Variants in PIGK observed in about 807,000 individuals in gnomAD.
The protein encoded by PIGK is phosphatidylinositol glycan anchor biosynthesis class K.
A neutral mutation model predicts 50.6 loss-of-function variants in PIGK; 42 were observed. The ratio of observed to expected loss-of-function variants is 0.83; its 90% confidence interval spans 0.65 to 1.07. PIGK has a LOEUF of 1.07. Ranked by LOEUF, PIGK falls within the 50% of genes least tolerant of loss-of-function variation. PIGK has a pLI of 0.00. For missense variants in PIGK, 448 were observed against 488.7 expected (o/e 0.92, Z 0.78); for synonymous variants, 151 against 156.0 (o/e 0.97, Z 0.24).
intron 10 of PIGK, among the ~76,000 whole-genome samples, chr1:77,121,009 C>T (rs543490773): frequency 1.3e-5 from 2 of 152,316 alleles, no homozygotes; most frequent in East Asian, 3.9e-4. Context: ...ATATTACTGA[C>T]ATTTCATCTG....
rs1045768242 is a variant in PIGK at position 77,181,302 on chromosome 1, G to A, written c.240-11907C>T. On this transcript the variant is annotated intron_variant, in intron 3 of 10. Coordinates refer to ENST00000370812, the MANE Select transcript of PIGK (RefSeq NM_005482.3). ...CCCAATCAGGAACTAGTGACCGGTAGGTAAAAAAAATATACATATTTCAAA... is the reference window on the plus strand; with the variant it reads ...CCCAATCAGGAACTAGTGACCGGTAAGTAAAAAAAATATACATATTTCAAA... 6.6e-5 allele frequency among the ~76,000 whole-genome samples: 10 copies of A among 151,774 alleles called. No individual in the cohort carries two copies. The East Asian group carries it at 1.6e-3, about 24-fold the overall frequency.
At chr1:77,205,229 G>C (rs986234553) in intron 3 of PIGK, among the ~76,000 whole-genome samples, 1 of 151,884 alleles carries the variant, frequency 6.6e-6, no homozygotes, top group African/African-American at 2.4e-5. Context: ...AGTATATCCA[G>C]TATAGACGCA....
intron 9 of PIGK, among the ~76,000 whole-genome samples, chr1:77,146,007 AT>A (rs1654758804): frequency 6.6e-6 from 1 of 152,174 alleles, no homozygotes. Flanking sequence ...AATACTGTAA[AT>A]TGAAAATGAA....
chr1:77,119,619 A>C (rs2100526627), intron 10 of PIGK, among the ~76,000 whole-genome samples: 1 of 152,356 alleles, frequency 6.6e-6, no homozygotes, highest in Middle Eastern at 3.4e-3. Context: ...AGTAGTGAGA[A>C]TCCTATCTCC....
intron 3 of PIGK, among the ~76,000 whole-genome samples, chr1:77,176,604 C>A (rs1489972112): frequency 6.6e-6 from 1 of 152,100 alleles, no homozygotes; most frequent in Non-Finnish European, 1.5e-5. Flanking sequence ...GACAAGCACA[C>A]AAAATCCTAG....
intron 2 of PIGK, among the ~76,000 whole-genome samples, chr1:77,209,399 G>A (rs1656364409): frequency 6.6e-6 from 1 of 151,918 alleles, no homozygotes; most frequent in Admixed American, 6.6e-5. Context: ...GAAAAAAAAA[G>A]GGCCAATAAG....
At chr1:77,121,761 G>T (rs1180727124) in intron 10 of PIGK, among the ~76,000 whole-genome samples, 9 of 152,190 alleles carry the variant, frequency 5.9e-5, no homozygotes, top group Non-Finnish European at 1.3e-4. Flanking sequence ...CCTTCTCAAT[G>T]ATTACAGTTA....
intron 10 of PIGK, among the ~76,000 whole-genome samples, chr1:77,120,944 C>A (rs1227619074): frequency 2.0e-5 from 3 of 152,182 alleles, no homozygotes; most frequent in Non-Finnish European, 2.9e-5. Context: ...GTATAACAGT[C>A]AAATGCAGCT....
chr1:77,146,761 C>T (rs547115618), intron 9 of PIGK, among the ~76,000 whole-genome samples: 1 of 151,340 alleles, frequency 6.6e-6, no homozygotes, highest in East Asian at 1.9e-4. Flanking sequence ...TGTGCCACTG[C>T]ACTCCAGCCT....
At chr1:77,178,074 G>C (rs372760932) in intron 3 of PIGK, among the ~76,000 whole-genome samples, 2 of 152,226 alleles carry the variant, frequency 1.3e-5, no homozygotes, top group East Asian at 1.9e-4. Context: ...AAATAAAAAG[G>C]GGGTCTCTTG....
intron 3 of PIGK, among the ~76,000 whole-genome samples, chr1:77,174,185 T>C (rs1370279733): frequency 6.6e-6 from 1 of 152,212 alleles, no homozygotes; most frequent in Non-Finnish European, 1.5e-5. Flanking sequence ...ATAAACTGTA[T>C]TACAATTTTC....
intron 3 of PIGK, among the ~76,000 whole-genome samples, chr1:77,169,709 A>C (rs1655317619): frequency 6.6e-6 from 1 of 152,210 alleles, no homozygotes; most frequent in African/African-American, 2.4e-5. Context: ...CAGAATTTCA[A>C]GTTACAATGT....
chr1:77,117,508 G>T (rs1011996596), intron 10 of PIGK, among the ~76,000 whole-genome samples: 1 of 152,142 alleles, frequency 6.6e-6, no homozygotes, highest in Non-Finnish European at 1.5e-5. Flanking sequence ...TGTTCTGAAA[G>T]CTAAACAGGA....
chr1:77,154,513 G>A lies in PIGK; in HGVS notation c.922C>T (p.Arg308Trp), dbSNP rs139868827. The A allele has an allele frequency of 2.8e-5, 45 of 1,611,066 alleles. No individual in the cohort carries two copies. Among genetic ancestry groups the A allele is most frequent in the East Asian group, 1.8e-4 (8 of 44,836 alleles). The change falls in exon 9 of 11, where the codon CGG becomes TGG. Residue 308 changes from arginine to tryptophan, a missense_variant. By Grantham distance (101) the Arg-to-Trp change is moderately radical. Coordinates refer to ENST00000370812, the MANE Select transcript of PIGK (RefSeq NM_005482.3). ...VLITDFFGSV[R>W]KVEITTETIK... ...GTCTCTGTTGTAATTTCCACTTTCC[G>A]TACACTTCCAAAGAAATCAGTTATC...
chr1:77,178,439 A>G (rs1429328828), intron 3 of PIGK, among the ~76,000 whole-genome samples: 1 of 152,210 alleles, frequency 6.6e-6, no homozygotes, highest in Non-Finnish European at 1.5e-5. Context: ...ACAGACTTTA[A>G]ATTCTCTTAT....
chr1:77,194,496 T>C (rs1655984859), intron 3 of PIGK, among the ~76,000 whole-genome samples: 1 of 152,102 alleles, frequency 6.6e-6, no homozygotes, highest in Non-Finnish European at 1.5e-5. Context: ...GCAACATGGA[T>C]GAAACTAGAG....
At chr1:77,097,750 A>G (rs1221985089) in intron 10 of PIGK, among the ~76,000 whole-genome samples, 2 of 152,178 alleles carry the variant, frequency 1.3e-5, no homozygotes, top group Non-Finnish European at 2.9e-5. Flanking sequence ...GCTCCATAAA[A>G]TCAATTCTTA....
intron 3 of PIGK, among the ~76,000 whole-genome samples, chr1:77,188,273 C>A (rs1198695756): frequency 6.6e-6 from 1 of 152,116 alleles, no homozygotes; most frequent in East Asian, 1.9e-4. Flanking sequence ...TTTTTCTCAG[C>A]ATGGAACATC....
rs1047914871 is a variant in PIGK, at chr1:77,195,141, G to C, written c.239+11499C>G. 4.1e-6 allele frequency: 5 copies of C among 1,226,118 alleles called. No individual in the cohort carries two copies. The African/African-American group carries it at 7.5e-5, about 18-fold the overall frequency. The allele number at this position is 1,226,118 out of a possible 1,614,324, so 76.0% of individuals were successfully genotyped here. A position where few individuals can be genotyped will look rare whatever the true frequency, so the allele number is the denominator to read the frequency against. ...GGAAGGAGGGTGATTCAGAGTTCAT[G>C]AATATCATTGCCAATGAGATTGGGT... On this transcript the variant is annotated intron_variant, in intron 3 of 10. Transcript: ENST00000370812.
Sources: allele counts gnomAD v4.1 joint callset (sites outside exome capture counted in the v4.1 genomes callset), GRCh38; gene constraint gnomAD v4.1.1; transcripts MANE v1.5; gene names NCBI Gene and HGNC (gene_info 2026-07-23, HGNC 2026-07-21).